ADD1: variants seen among roughly 807,000 people sequenced by gnomAD.
ADD1 encodes the protein alpha-adducin.
ADD1 carries 24 observed loss-of-function variants against 80.5 expected under a neutral mutation model. That is an observed-to-expected ratio of 0.30 (90% CI 0.22 to 0.42). The LOEUF (loss-of-function observed/expected upper bound fraction) is 0.42. Ranked by LOEUF, ADD1 falls within the 10% of genes least tolerant of loss-of-function variation. ADD1 has a pLI of 1.00. For synonymous variants in ADD1, 373 were observed against 393.8 expected (o/e 0.95, Z 0.63); for missense variants, 948 against 1,019.0 (o/e 0.93, Z 0.95).
intron 6 of ADD1, among the ~76,000 whole-genome samples, chr4:2,895,173 T>C (rs2075253930): frequency 6.6e-6 from 1 of 152,170 alleles, no homozygotes; most frequent in South Asian, 2.1e-4. Flanking sequence ...TGGGAAGATT[T>C]TGAGCCAAGG....
intron 1 of ADD1, among the ~76,000 whole-genome samples, chr4:2,848,707 T>A (rs1277135534): frequency 6.6e-6 from 1 of 151,980 alleles, no homozygotes; most frequent in Non-Finnish European, 1.5e-5. Flanking sequence ...GAATTCCTGG[T>A]CTCAAGTGAT....
In ADD1 at chr4:2,904,782, C is replaced by A; in HGVS notation, c.1180C>A (p.Pro394Thr). 1 of 1,614,102 alleles carries A rather than the reference C, an allele frequency of 6.2e-7. No individual in the cohort carries two copies. Among genetic ancestry groups the A allele is most frequent in the Non-Finnish European group, 8.5e-7 (1 of 1,179,966 alleles). The change falls in exon 10 of 16, where the codon CCT becomes ACT. Residue 394 changes from proline (P) to threonine (T), a missense_variant. Pro to Thr is a conservative substitution (Grantham distance 38, BLOSUM62 -1). Coordinates refer to ENST00000683351, the MANE Select transcript of ADD1 (RefSeq NM_001354761.2). ...ACCCTAGGGCTACAGAACTGGCTAC[C>A]CTTATCGATACCCTGCTCTGAGAGA... is the stretch of plus-strand genomic sequence containing the variant. ...LDNLGYRTGY[P>T]YRYPALREKS...
chr4:2,863,219 A>ATTTTTTTTTT (rs34312305), intron 1 of ADD1, among the ~76,000 whole-genome samples: 2 of 123,760 alleles, frequency 1.6e-5, no homozygotes, highest in East Asian at 2.3e-4. Context: ...CTAATTTTTA[A>ATTTTTTTTTT]TTTTTTTTTT....
chr4:2,873,733 A>G (rs1730819783), intron 1 of ADD1, among the ~76,000 whole-genome samples: 1 of 152,240 alleles, frequency 6.6e-6, no homozygotes, highest in South Asian at 2.1e-4. Flanking sequence ...TTTTTGAAAC[A>G]CGAAGCAGAA....
intron 1 of ADD1, among the ~76,000 whole-genome samples, chr4:2,848,207 C>G (rs975510844): frequency 3.5e-5 from 5 of 144,874 alleles, no homozygotes; most frequent in African/African-American, 1.3e-4. Context: ...AGTGAGACTC[C>G]GTCTCAAAAA....
At chr4:2,904,234 A>G (rs1332668263) in intron 9 of ADD1, among the ~76,000 whole-genome samples, 3 of 152,172 alleles carry the variant, frequency 2.0e-5, no homozygotes, top group Non-Finnish European at 4.4e-5. Context: ...ACCAGCAGTC[A>G]ATAAGAGCAA....
intron 13 of ADD1, among the ~76,000 whole-genome samples, chr4:2,913,265 G>C (rs1267581020): frequency 6.6e-6 from 1 of 152,252 alleles, no homozygotes; most frequent in Non-Finnish European, 1.5e-5. Flanking sequence ...TCAGGATGCA[G>C]GTGCAGCCAG....
At chr4:2,859,923 ATT>A (rs34830388) in intron 1 of ADD1, among the ~76,000 whole-genome samples, 26 of 142,156 alleles carry the variant, frequency 1.8e-4, no homozygotes, top group Non-Finnish European at 2.6e-4. Context: ...ATATTGCTCC[ATT>A]TTTTTTTTTT....
At position 2,852,193 on chromosome 4, in the gene ADD1, T is replaced by TCCTCTTTC. The variant is rs1183409712; in HGVS notation, c.-21+8170_-21+8171insCTCTTTCC. Among the ~76,000 whole-genome samples the TCCTCTTTC allele has an allele frequency of 3.8e-5, 3 of 78,262 alleles. No homozygotes were observed. The Admixed American group carries it at 3.9e-4, about 10-fold the overall frequency. 51.3% of individuals were successfully genotyped at this position (78,262 alleles called of 152,430 possible). Reference sequence around the variant, plus strand: ...TTCTTTCTTTCTTTCTTTCTTTCTTTCTTTCCTTTCTTTCCTTTCCTTTCT... The same window carrying TCCTCTTTC: ...TTCTTTCTTTCTTTCTTTCTTTCTTTCCTCTTTCCTTTCCTTTCTTTCCTTTCCTTTCT... On this transcript the variant is annotated intron_variant, in intron 1 of 15. Coordinates refer to ENST00000683351, the MANE Select transcript of ADD1 (RefSeq NM_001354761.2).
rs756368335 is a variant in ADD1 at position 2,899,574 on chromosome 4, GGTT to G, written c.1161+143_1161+145del. On this transcript the variant is annotated intron_variant, in intron 9 of 15. Coordinates refer to ENST00000683351, the MANE Select transcript of ADD1 (RefSeq NM_001354761.2). The stretch of plus-strand genomic sequence containing the variant: ...CTTCAAAGTCATGAAGAAGCACTAG[GGTT>G]GTTTAACTTCTGAGGTAAATTACAA... 3.2e-6 allele frequency: 3 copies of G among 930,008 alleles called. No homozygotes were observed. In the East Asian group the frequency reaches 7.9e-5, roughly 24 times the overall value. 57.6% of individuals were successfully genotyped at this position (930,008 alleles called of 1,614,324 possible).
chr4:2,929,236 G>A lies in ADD1; in HGVS notation c.*713G>A, dbSNP rs1056633180. ...GGGAAGGTATATCAGGAGGGGAAGA[G>A]GCCTTTCTAGAATTTTCTTTGAGCA... is the stretch of plus-strand genomic sequence containing the variant. On this transcript the variant is annotated 3_prime_UTR_variant, in exon 16 of 16. Coordinates refer to ENST00000683351, the MANE Select transcript of ADD1 (RefSeq NM_001354761.2). 1.3e-5 allele frequency: 2 copies of A among 152,218 alleles called. No individual in the cohort carries two copies. The highest frequency in any genetic ancestry group is 2.9e-5 in the Non-Finnish European group (2 of 68,038). The allele number at this position is 152,218 out of a possible 1,614,324, so 9.4% of individuals were successfully genotyped here.
chr4:2,889,922 G>A (rs1734018261), intron 4 of ADD1, among the ~76,000 whole-genome samples: 1 of 152,168 alleles, frequency 6.6e-6, no homozygotes, highest in East Asian at 1.9e-4. Flanking sequence ...TCTGGAGCTG[G>A]GTGCAGTGGC....
chr4:2,847,951 A>T (rs1373395121), intron 1 of ADD1, among the ~76,000 whole-genome samples: 3 of 152,174 alleles, frequency 2.0e-5, no homozygotes, highest in Non-Finnish European at 4.4e-5. Flanking sequence ...ATGGTGGCTC[A>T]CGTCTGTAAT....
intron 1 of ADD1, chr4:2,844,573 T>C (rs912340741): frequency 6.6e-6 from 1 of 152,266 alleles, no homozygotes; most frequent in African/African-American, 2.4e-5. Context: ...TCTTTTCTTT[T>C]TTCTTAATCT....
At chr4:2,856,593 T>G (rs906261884) in intron 1 of ADD1, among the ~76,000 whole-genome samples, 2 of 148,510 alleles carry the variant, frequency 1.3e-5, no homozygotes, top group Non-Finnish European at 3.0e-5. Context: ...AGTTTTTTTT[T>G]TTTTTTTTTT....
At chr4:2,847,366 C>T (rs938522470) in intron 1 of ADD1, among the ~76,000 whole-genome samples, 1 of 151,302 alleles carries the variant, frequency 6.6e-6, no homozygotes, top group African/African-American at 2.4e-5. Context: ...GGTCGCAGTG[C>T]CATTGCACTC....
rs769779172 is a variant in ADD1 at position 2,894,683 on chromosome 4, C to A, written c.693C>A (p.Arg231=). The change falls in exon 6 of 16, where the codon CGC becomes CGA. Residue 231 remains arginine, a synonymous_variant. Transcript: ENST00000683351. ...TACACTCTGCAATTTATGCTGCACG[C>A]CCGGACGTGAAGTGCGTCGTGCACA... ...FTLHSAIYAA[R]PDVKCVVHIH... 54 of 1,601,758 alleles carry A rather than the reference C, an allele frequency of 3.4e-5. 1 individual carries two copies. The Admixed American group carries it at 6.6e-4, about 20-fold the overall frequency.
chr4:2,879,300 C>G (rs935036784), intron 2 of ADD1, among the ~76,000 whole-genome samples: 2 of 152,198 alleles, frequency 1.3e-5, no homozygotes, highest in African/African-American at 2.4e-5. Flanking sequence ...GTCTGAAATG[C>G]TCTTTATGCA....
chr4:2,887,139 C>T (rs1284203209), intron 4 of ADD1, among the ~76,000 whole-genome samples: 1 of 152,186 alleles, frequency 6.6e-6, no homozygotes, highest in Non-Finnish European at 1.5e-5. Context: ...ATGCAAGTTA[C>T]CTAAAATGTT....
Sources: gnomAD v4.1 joint callset for allele counts (sites outside exome capture counted in the v4.1 genomes callset) on GRCh38, gnomAD v4.1.1 for gene constraint, MANE v1.5 for transcripts, NCBI Gene and HGNC (gene_info 2026-07-23, HGNC 2026-07-21) for gene names.